Variants in YIPF4 observed in about 807,000 individuals in gnomAD.
YIPF4 encodes Yip1 domain family member 4, also known as protein YIPF4.
YIPF4 carries 18 observed loss-of-function variants against 29.4 expected under a neutral mutation model. That is an observed-to-expected ratio of 0.61 (90% CI 0.42 to 0.91). YIPF4 has a LOEUF of 0.91. YIPF4 is among the 40% of genes least tolerant of loss of function. YIPF4 has a pLI of 0.00. For missense variants in YIPF4, 279 were observed against 282.7 expected, an observed-to-expected ratio of 0.99 and a Z score of 0.09; for synonymous variants, 115 against 104.7, an observed-to-expected ratio of 1.10 and a Z score of -0.60.
Position 32,316,483 on chromosome 2 carries a change from A to G in YIPF4, c.*10857A>G, listed in dbSNP as rs886197169. On this transcript the variant is annotated 3_prime_UTR_variant, in exon 6 of 6. Coordinates refer to ENST00000238831, the MANE Select transcript of YIPF4 (RefSeq NM_032312.4). Reference sequence around the variant, plus strand: ...TAAGCAGATATGATATTTCACTGATAGAGACCAGCATGACTGTCTCAATTG... The same window carrying G: ...TAAGCAGATATGATATTTCACTGATGGAGACCAGCATGACTGTCTCAATTG... 2.6e-5 allele frequency: 4 copies of G among 152,228 alleles called. No individual in the cohort carries two copies. The highest frequency in any genetic ancestry group is 2.1e-4 in the South Asian group (1 of 4,830). 9.4% of individuals were successfully genotyped at this position (152,228 alleles called of 1,614,324 possible). A position where few individuals can be genotyped will look rare whatever the true frequency, so the allele number is the denominator to read the frequency against.
In YIPF4 at chr2:32,298,275, A is replaced by G. The variant is rs766931397; in HGVS notation, c.447A>G (p.Leu149=). Residue 149 remains leucine, a synonymous_variant, in exon 4 of 6, where the codon CTA becomes CTG. Coordinates refer to ENST00000238831, the MANE Select transcript of YIPF4 (RefSeq NM_032312.4). ...WIITIWIFGS[L]TIFLLARVLG... is the part of the protein sequence containing the mutation. ...TAACCATTTGGATATTTGGTTCACT[A>G]ACAATTTTCTTACTGGCCAGAGTTC... 2.5e-6 allele frequency: 4 copies of G among 1,610,136 alleles called. No homozygotes were observed. The South Asian group carries it at 4.4e-5, about 18-fold the overall frequency.
At chr2:32,298,908 C>T (rs1458857331) in intron 4 of YIPF4, among the ~76,000 whole-genome samples, 2 of 151,372 alleles carry the variant, frequency 1.3e-5, no homozygotes, top group Non-Finnish European at 2.9e-5. Flanking sequence ...GATGGAGTCT[C>T]GCTCTGTCAC....
chr2:32,305,923 A>G lies in YIPF4; in HGVS notation c.*297A>G, dbSNP rs2031566608. ...CGATATTCACCTAAAAACTTGTGCCAAAAGCACCTGGATTGGTAATTATAT... is the reference window on the plus strand; with the variant it reads ...CGATATTCACCTAAAAACTTGTGCCGAAAGCACCTGGATTGGTAATTATAT... On this transcript the variant is annotated 3_prime_UTR_variant, in exon 6 of 6. Coordinates refer to ENST00000238831, the MANE Select transcript of YIPF4 (RefSeq NM_032312.4). The G allele has an allele frequency of 9.8e-7, 1 of 1,025,212 alleles. No homozygotes were observed. The highest frequency in any genetic ancestry group is 1.2e-6 in the Non-Finnish European group (1 of 856,680). 63.5% of individuals were successfully genotyped at this position (1,025,212 alleles called of 1,614,324 possible).
At position 32,309,370 on chromosome 2, in the gene YIPF4, A is replaced by G. The variant is rs2031667782; in HGVS notation, c.*3744A>G. The G allele has an allele frequency of 6.6e-6, 1 of 152,224 alleles. No homozygotes were observed. Among genetic ancestry groups the G allele is most frequent in the Non-Finnish European group, 1.5e-5 (1 of 68,044 alleles). The allele number at this position is 152,224 out of a possible 1,614,324, so 9.4% of individuals were successfully genotyped here. On this transcript the variant is annotated 3_prime_UTR_variant, in exon 6 of 6. Coordinates refer to ENST00000238831, the MANE Select transcript of YIPF4 (RefSeq NM_032312.4). ...ATTTCTGCACATATTCCAAAATCTG[A>G]AAAAGTCTGAAACCTGAGAAACTCT...
At chr2:32,300,077 T>C (rs2031342567) in intron 4 of YIPF4, among the ~76,000 whole-genome samples, 1 of 151,934 alleles carries the variant, frequency 6.6e-6, no homozygotes, top group African/African-American at 2.4e-5. Flanking sequence ...GACCAGCCTG[T>C]CCAACATGGA....
rs1186119013 is a variant in YIPF4 at position 32,313,664 on chromosome 2, C to G, written c.*8038C>G. 1 of 151,970 alleles carries G rather than the reference C, an allele frequency of 6.6e-6. No homozygotes were observed. Among genetic ancestry groups the G allele is most frequent in the Non-Finnish European group, 1.5e-5 (1 of 68,052 alleles). 9.4% of individuals were successfully genotyped at this position (151,970 alleles called of 1,614,324 possible). On this transcript the variant is annotated 3_prime_UTR_variant, in exon 6 of 6. Transcript: ENST00000238831. ...TACAGGCGTGAGACACTGTGCCCAG[C>G]CTGTCAGAGCTTTTGAGTAGAAATA... is the stretch of plus-strand genomic sequence containing the variant.
rs1324672802 is a variant in YIPF4 at position 32,310,528 on chromosome 2, A to G, written c.*4902A>G. ...TACAAAAAGTAGGCCTATCATTTAT[A>G]TGGGTTTTGCATCCTGACAGTACTG... On this transcript the variant is annotated 3_prime_UTR_variant, in exon 6 of 6. Coordinates refer to ENST00000238831, the MANE Select transcript of YIPF4 (RefSeq NM_032312.4). 1 of 152,048 alleles carries G rather than the reference A, an allele frequency of 6.6e-6. No individual in the cohort carries two copies. The highest frequency in any genetic ancestry group is 6.6e-5 in the Admixed American group (1 of 15,262). 9.4% of individuals were successfully genotyped at this position (152,048 alleles called of 1,614,324 possible). A position where few individuals can be genotyped will look rare whatever the true frequency, so the allele number is the denominator to read the frequency against.
Position 32,306,648 on chromosome 2 carries a change from A to G in YIPF4, c.*1022A>G, listed in dbSNP as rs549855780. ...ATCAGGTACTCTCTAACAAATGTAC[A>G]GTTTTTGCTAAGGGAAATATTAAGA... On this transcript the variant is annotated 3_prime_UTR_variant, in exon 6 of 6. Transcript: ENST00000238831. 24 of 966,166 alleles carry G rather than the reference A, an allele frequency of 2.5e-5. No individual in the cohort carries two copies. Among genetic ancestry groups the G allele is most frequent in the Non-Finnish European group, 2.7e-5 (22 of 812,478 alleles). 59.8% of individuals were successfully genotyped at this position (966,166 alleles called of 1,614,324 possible). A position where few individuals can be genotyped will look rare whatever the true frequency, so the allele number is the denominator to read the frequency against.
chr2:32,312,917 G>C lies in YIPF4; in HGVS notation c.*7291G>C, dbSNP rs542835783. On this transcript the variant is annotated 3_prime_UTR_variant, in exon 6 of 6. Transcript: ENST00000238831. ...GCGGCAGGAGAATGGTGTGAACCCG[G>C]GAGGCGGAGCTTGCAGTAAGCAGAG... The C allele has an allele frequency of 3.3e-5, 5 of 152,164 alleles. No individual in the cohort carries two copies. Among genetic ancestry groups the C allele is most frequent in the Admixed American group, 2.0e-4 (3 of 15,260 alleles). The allele number at this position is 152,164 out of a possible 1,614,324, so 9.4% of individuals were successfully genotyped here. A position where few individuals can be genotyped will look rare whatever the true frequency, so the allele number is the denominator to read the frequency against.
intron 1 of YIPF4, among the ~76,000 whole-genome samples, chr2:32,288,493 G>A (rs2030776097): frequency 6.6e-6 from 1 of 152,122 alleles, no homozygotes; most frequent in South Asian, 2.1e-4. Flanking sequence ...ATTTCTGGAT[G>A]TAAATCTTCT....
At chr2:32,297,053 C>T (rs977737033) in intron 3 of YIPF4, among the ~76,000 whole-genome samples, 2 of 151,970 alleles carry the variant, frequency 1.3e-5, no homozygotes, top group African/African-American at 4.8e-5. Flanking sequence ...ACTTCCTTTC[C>T]TTCTTACTTC....
chr2:32,292,435 T>C lies in YIPF4; in HGVS notation c.405+87T>C, dbSNP rs2030958531. The C allele has an allele frequency of 3.9e-6, 4 of 1,021,760 alleles. No homozygotes were observed. In the South Asian group the frequency reaches 9.9e-5, roughly 25 times the overall value. 63.3% of individuals were successfully genotyped at this position (1,021,760 alleles called of 1,614,324 possible). A position where few individuals can be genotyped will look rare whatever the true frequency, so the allele number is the denominator to read the frequency against. On this transcript the variant is annotated intron_variant, in intron 3 of 5. Transcript: ENST00000238831. ...ATAAGATATTAACTGTAATATACCATATTATGTTTGAGAAATGCTTTACCC... is the reference window on the plus strand; with the variant it reads ...ATAAGATATTAACTGTAATATACCACATTATGTTTGAGAAATGCTTTACCC...
At chr2:32,288,860 A>C (rs1222599909) in intron 1 of YIPF4, among the ~76,000 whole-genome samples, 1 of 152,136 alleles carries the variant, frequency 6.6e-6, no homozygotes, top group Non-Finnish European at 1.5e-5. Context: ...ATCCCAACTC[A>C]GGAGGCTGGG....
intron 5 of YIPF4, among the ~76,000 whole-genome samples, chr2:32,302,033 CT>C (rs753050630): frequency 2.6e-3 from 343 of 134,308 alleles, no homozygotes; most frequent in Non-Finnish European, 2.6e-3. Flanking sequence ...TTCTTTCTTT[CT>C]TTTTTTTTTT....
rs571791534 is a variant in YIPF4, at chr2:32,294,751, C to T, written c.405+2403C>T. Among the ~76,000 whole-genome samples, 792 of 152,334 alleles carry T rather than the reference C, an allele frequency of 5.2e-3. 5 individuals carry two copies. The highest frequency in any genetic ancestry group is 0.018 in the African/African-American group (746 of 41,586). ...TGGAGGTTGTAGCGAGCCGAGATCA[C>T]GCCACTGCACTCCAGCCTGGGCACC... On this transcript the variant is annotated intron_variant, in intron 3 of 5. Transcript: ENST00000238831.
At position 32,305,773 on chromosome 2, in the gene YIPF4, T is replaced by G. The variant is rs2031561196; in HGVS notation, c.*147T>G. 2 of 1,248,756 alleles carry G rather than the reference T, an allele frequency of 1.6e-6. No homozygotes were observed. The highest frequency in any genetic ancestry group is 2.0e-6 in the Non-Finnish European group (2 of 997,786). The allele number at this position is 1,248,756 out of a possible 1,614,324, so 77.4% of individuals were successfully genotyped here. On this transcript the variant is annotated 3_prime_UTR_variant, in exon 6 of 6. Coordinates refer to ENST00000238831, the MANE Select transcript of YIPF4 (RefSeq NM_032312.4). ...AAGTCTAAGCGCTTTTTAAAACAAT[T>G]TTTTTTTGTATTTAATTAAGCAATT...
chr2:32,313,205 A>C lies in YIPF4; in HGVS notation c.*7579A>C, dbSNP rs940691821. The stretch of plus-strand genomic sequence containing the variant: ...AGGGAAAAATAAAAGTTAACTAGGC[A>C]AAGAAGGTAGGGAAGACTCTTTCAG... On this transcript the variant is annotated 3_prime_UTR_variant, in exon 6 of 6. Transcript: ENST00000238831. The C allele has an allele frequency of 1.3e-5, 2 of 152,178 alleles. No individual in the cohort carries two copies. The highest frequency in any genetic ancestry group is 2.4e-5 in the African/African-American group (1 of 41,452). The allele number at this position is 152,178 out of a possible 1,614,324, so 9.4% of individuals were successfully genotyped here.
chr2:32,299,860 C>G (rs1430733727), intron 4 of YIPF4, among the ~76,000 whole-genome samples: 1 of 152,202 alleles, frequency 6.6e-6, no homozygotes, highest in African/African-American at 2.4e-5. Flanking sequence ...TGGCGCATGC[C>G]TGTAGTCCCA....
intron 2 of YIPF4, among the ~76,000 whole-genome samples, chr2:32,291,097 T>A (rs563548055): frequency 6.6e-6 from 1 of 152,372 alleles, no homozygotes; most frequent in African/African-American, 2.4e-5. Flanking sequence ...AATTTTGTGG[T>A]TATCTGGAGA....
Sources: allele counts gnomAD v4.1 joint callset (sites outside exome capture counted in the v4.1 genomes callset), GRCh38; gene constraint gnomAD v4.1.1; transcripts MANE v1.5; gene names NCBI Gene and HGNC (gene_info 2026-07-23, HGNC 2026-07-21).